The following ARID1B variants were observed in gnomAD, a reference collection of about 807,000 sequenced individuals.
ARID1B encodes the protein AT-rich interaction domain 1B, also known as AT-rich interactive domain-containing protein 1B.
Under a neutral mutation model 212.3 loss-of-function variants are expected in ARID1B, and 30 were observed. The ratio of observed to expected loss-of-function variants is 0.14; its 90% CI spans 0.11 to 0.19. The LOEUF (loss-of-function observed/expected upper bound fraction) is 0.19. ARID1B is among the 10% of genes least tolerant of loss of function. ARID1B has a pLI of 1.00. For synonymous variants in ARID1B, 1,402 were observed against 1,301.7 expected (o/e 1.08, Z -1.66); for missense variants, 2,891 against 3,204.0 (o/e 0.90, Z 2.36).
intron 5 of ARID1B, among the ~76,000 whole-genome samples, chr6:157,106,239 G>T (rs557350560): frequency 1.3e-5 from 2 of 152,144 alleles, no homozygotes; most frequent in South Asian, 4.2e-4. Context: ...AAGCCCAAAG[G>T]GTGTGCCACA....
At chr6:157,122,316 T>C (rs1350059702) in intron 6 of ARID1B, among the ~76,000 whole-genome samples, 5 of 152,246 alleles carry the variant, frequency 3.3e-5, no homozygotes. Flanking sequence ...AATTTTTCAC[T>C]GATGCTAATA....
At chr6:157,052,910 G>A (rs1782701337) in intron 4 of ARID1B, among the ~76,000 whole-genome samples, 1 of 151,414 alleles carries the variant, frequency 6.6e-6, no homozygotes, top group South Asian at 2.1e-4. Context: ...AGTAGAGACG[G>A]GGTTTCACCA....
At position 157,148,148 on chromosome 6, in the gene ARID1B, A is replaced by ATT. The variant is rs1205599264; in HGVS notation, c.2762-473_2762-472dup. Reference sequence around the variant, plus strand: ...CCTTCCTGTGGGGTTTTAAAGGATGATTTTGACCATATGTGCATGTCGTCT... The same window carrying ATT: ...CCTTCCTGTGGGGTTTTAAAGGATGATTTTTTGACCATATGTGCATGTCGTCT... On this transcript the variant is annotated intron_variant, in intron 7 of 19. Transcript: ENST00000636930. This position sits in a 1 kb window ranked among gnomAD's most constrained non-coding sequence, Gnocchi z 5.6. Among the ~76,000 whole-genome samples, 1 of 151,942 alleles carries ATT rather than the reference A, an allele frequency of 6.6e-6. No homozygotes were observed. Among genetic ancestry groups the ATT allele is most frequent in the Non-Finnish European group, 1.5e-5 (1 of 68,004 alleles).
intron 5 of ARID1B, among the ~76,000 whole-genome samples, chr6:157,088,834 C>CT (rs1785109852): frequency 6.6e-6 from 1 of 152,180 alleles, no homozygotes; most frequent in African/African-American, 2.4e-5. Context: ...GGTTCTGAGT[C>CT]TGCCAGTGAA....
At chr6:156,883,534 G>T (rs796844714) in intron 2 of ARID1B, among the ~76,000 whole-genome samples, 20 of 151,990 alleles carry the variant, frequency 1.3e-4, no homozygotes, top group African/African-American at 4.8e-4. Flanking sequence ...TCCTCTGGAC[G>T]TGCTGCCTCT....
chr6:156,871,599 T>C (rs1029176606), intron 2 of ARID1B: 1 of 1,610,330 alleles, frequency 6.2e-7, no homozygotes, highest in Non-Finnish European at 8.5e-7. Context: ...AATTACTGTT[T>C]TATCCTACTT....
rs1451078445 is a variant in ARID1B at position 157,207,317 on chromosome 6, C to A, written c.6545C>A (p.Pro2182Gln). The A allele has an allele frequency of 3.7e-6, 6 of 1,613,826 alleles. No homozygotes were observed. The highest frequency in any genetic ancestry group is 2.7e-5 in the African/African-American group (2 of 74,908). ...GGCTTGCTGCACTGGATGGTGTGCC[C>A]GTCTGCAGAGGCACAAGATCCCTTT... The part of the protein sequence containing the change: ...LDGLLHWMVC[P>Q]SAEAQDPFPT... The change falls in exon 20 of 20, where the codon CCG becomes CAG. Residue 2182 changes from proline (P) to glutamine (Q), a missense_variant. By Grantham distance (76) the Pro-to-Gln change is moderately conservative (BLOSUM62 -1). Coordinates refer to ENST00000636930, the MANE Select transcript of ARID1B (RefSeq NM_001374828.1). The surrounding 1 kb of genome is among the most constrained non-coding windows in gnomAD (Gnocchi z 8.5).
chr6:157,112,916 C>T (rs1001551765), intron 6 of ARID1B, among the ~76,000 whole-genome samples: 1 of 150,692 alleles, frequency 6.6e-6, no homozygotes, highest in Admixed American at 6.6e-5. Context: ...GTTATAATGA[C>T]CACTTCTTTT....
chr6:156,937,858 T>G (rs996027404), intron 4 of ARID1B: 1 of 139,018 alleles, frequency 7.2e-6, no homozygotes, highest in African/African-American at 3.0e-5. Flanking sequence ...ATAATGTAAG[T>G]TTTTTTTTTA....
At chr6:156,895,118 T>C (rs1001637220) in intron 2 of ARID1B, among the ~76,000 whole-genome samples, 1 of 152,258 alleles carries the variant, frequency 6.6e-6, no homozygotes, top group African/African-American at 2.4e-5. Context: ...ACATATCCTT[T>C]AATGTGATGA....
intron 2 of ARID1B, among the ~76,000 whole-genome samples, chr6:156,859,312 G>A (rs570368740): frequency 5.3e-5 from 8 of 152,154 alleles, no homozygotes; most frequent in Non-Finnish European, 8.8e-5. Flanking sequence ...ATCATAGACC[G>A]AAACACTGTT....
rs556264998 is a variant in ARID1B, at chr6:156,954,077, G to A, written c.2247+18501G>A. Among the ~76,000 whole-genome samples the A allele has an allele frequency of 2.6e-5, 4 of 152,062 alleles. No individual in the cohort carries two copies. The South Asian group carries it at 8.3e-4, about 32-fold the overall frequency. ...ACATTTTATAGGCTTTTTCAAACAC[G>A]CAGTCAGATTTGCTCTGTTGCTCCT... On this transcript the variant is annotated intron_variant, in intron 4 of 19. Transcript: ENST00000636930.
intron 4 of ARID1B, among the ~76,000 whole-genome samples, chr6:156,996,874 G>C (rs1778621147): frequency 6.6e-6 from 1 of 152,126 alleles, no homozygotes; most frequent in African/African-American, 2.4e-5. Context: ...ACATTTGCCT[G>C]AATTGTTCAT....
At chr6:156,900,478 C>A (rs1267159526) in intron 2 of ARID1B, among the ~76,000 whole-genome samples, 1 of 152,136 alleles carries the variant, frequency 6.6e-6, no homozygotes. Context: ...GGCTCAAGTT[C>A]TTGAAGTTCT....
rs770037041 is a variant in ARID1B, at chr6:157,206,793, G to T, written c.6021G>T (p.Arg2007=). Residue 2007 remains arginine (R), a synonymous_variant, in exon 20 of 20, where the codon CGG becomes CGT. Transcript: ENST00000636930. The surrounding 1 kb of genome is among the most constrained non-coding windows in gnomAD (Gnocchi z 6.8). ...IATIDDVLSA[R]PGALPEDANP... Reference sequence around the variant, plus strand: ...CCATCGATGACGTCCTCTCTGCTCGGCCAGGGGCATTGCCTGAAGACGCAA... The same window carrying T: ...CCATCGATGACGTCCTCTCTGCTCGTCCAGGGGCATTGCCTGAAGACGCAA... The T allele has an allele frequency of 1.2e-6, 2 of 1,613,908 alleles. No homozygotes were observed. Among genetic ancestry groups the T allele is most frequent in the Non-Finnish European group, 1.7e-6 (2 of 1,180,036 alleles).
chr6:157,063,004 C>T (rs1194309058), intron 4 of ARID1B, among the ~76,000 whole-genome samples: 1 of 151,848 alleles, frequency 6.6e-6, no homozygotes, highest in Non-Finnish European at 1.5e-5. Context: ...CGTGCCCAGC[C>T]TAAAATATAT....
intron 2 of ARID1B, among the ~76,000 whole-genome samples, chr6:156,845,714 T>G (rs1475558453): frequency 3.9e-5 from 6 of 152,314 alleles, no homozygotes; most frequent in African/African-American, 1.4e-4. Flanking sequence ...CCATCCATTT[T>G]GCTAGACTCA....
intron 2 of ARID1B, among the ~76,000 whole-genome samples, chr6:156,889,382 T>C (rs916889648): frequency 6.6e-6 from 1 of 152,232 alleles, no homozygotes; most frequent in African/African-American, 2.4e-5. Flanking sequence ...TTTTAAAGTG[T>C]GTAATTAGGG....
chr6:156,975,613 C>CTT (rs367797338), intron 4 of ARID1B, among the ~76,000 whole-genome samples: 2,784 of 110,838 alleles, frequency 0.025, 120 homozygotes, highest in African/African-American at 0.086. Flanking sequence ...TTTTTTTTTT[C>CTT]TTTTTTTTTT....
Sources: allele counts gnomAD v4.1 joint callset (sites outside exome capture counted in the v4.1 genomes callset), GRCh38; gene constraint gnomAD v4.1.1; non-coding constraint Gnocchi (gnomAD v3.1); transcripts MANE v1.5; gene names NCBI Gene and HGNC (gene_info 2026-07-23, HGNC 2026-07-21).